ADAMTS3: variants seen among roughly 807,000 people sequenced by gnomAD.
ADAMTS3 encodes A disintegrin and metalloproteinase with thrombospondin motifs 3.
A neutral mutation model predicts 129.0 loss-of-function variants in ADAMTS3; 73 were observed. That is an observed-to-expected ratio of 0.57 (90% CI 0.47 to 0.69). The LOEUF is 0.69. Among genes scored for constraint, ADAMTS3 ranks in the 30% least tolerant of loss-of-function variants. The probability of loss-of-function intolerance (pLI) is 0.00; values close to 1 mark genes in which losing one functional copy is unlikely to be tolerated. For missense variants in ADAMTS3, 1,457 were observed against 1,514.5 expected (o/e 0.96, Z 0.63); for synonymous variants, 477 against 510.8 (o/e 0.93, Z 0.89).
chr4:72,402,749 T>C (rs1161492064), intron 4 of ADAMTS3, among the ~76,000 whole-genome samples: 1 of 152,158 alleles, frequency 6.6e-6, no homozygotes, highest in African/African-American at 2.4e-5. Flanking sequence ...AATCTGTTTT[T>C]ACAGAATATC....
intron 21 of ADAMTS3, among the ~76,000 whole-genome samples, chr4:72,287,673 T>C (rs1289330036): frequency 3.3e-5 from 5 of 151,820 alleles, no homozygotes; most frequent in Admixed American, 3.3e-4. Flanking sequence ...ATGAGCCACA[T>C]ACAGGCAGCA....
At chr4:72,528,521 T>TAAAAAAAAAAAAAAAAAAA (rs11324929) in intron 3 of ADAMTS3, among the ~76,000 whole-genome samples, 1 of 89,684 alleles carries the variant, frequency 1.1e-5, no homozygotes, top group African/African-American at 3.1e-5. Context: ...AAGTGAAAAC[T>TAAAAAAAAAAAAAAAAAAA]AAAAAAAAAA....
At chr4:72,408,699 T>TG (rs1196632274) in intron 4 of ADAMTS3, among the ~76,000 whole-genome samples, 2 of 87,730 alleles carry the variant, frequency 2.3e-5, no homozygotes, top group African/African-American at 3.5e-5. Context: ...TCATTGTACC[T>TG]GGAAAAAAAA....
At chr4:72,435,259 T>C (rs955399629) in intron 3 of ADAMTS3, among the ~76,000 whole-genome samples, 3 of 151,804 alleles carry the variant, frequency 2.0e-5, no homozygotes, top group Non-Finnish European at 4.4e-5. Context: ...TGTGCCTTTT[T>C]AGGCAACTCA....
chr4:72,517,007 C>G (rs1445402911), intron 3 of ADAMTS3, among the ~76,000 whole-genome samples: 1 of 152,112 alleles, frequency 6.6e-6, no homozygotes, highest in Non-Finnish European at 1.5e-5. Context: ...TGAGATACAT[C>G]CCATCAATAC....
intron 3 of ADAMTS3, among the ~76,000 whole-genome samples, chr4:72,438,093 C>T (rs543654916): frequency 9.2e-5 from 14 of 151,770 alleles, no homozygotes; most frequent in South Asian, 2.1e-4. Flanking sequence ...CCCATCTTTA[C>T]TCTGTGTGTG....
intron 4 of ADAMTS3, among the ~76,000 whole-genome samples, chr4:72,369,060 G>C (rs1203749189): frequency 6.6e-6 from 1 of 152,094 alleles, no homozygotes; most frequent in Non-Finnish European, 1.5e-5. Context: ...AACATAGTTG[G>C]TACAAAACAC....
intron 15 of ADAMTS3, among the ~76,000 whole-genome samples, chr4:72,307,020 T>C (rs540839698): frequency 9.9e-5 from 15 of 152,044 alleles, no homozygotes; most frequent in Admixed American, 7.9e-4. Flanking sequence ...GAATATAAAA[T>C]GATTATGTAA....
chr4:72,525,394 AC>A (rs1720780954), intron 3 of ADAMTS3, among the ~76,000 whole-genome samples: 1 of 152,206 alleles, frequency 6.6e-6, no homozygotes, highest in African/African-American at 2.4e-5. Flanking sequence ...AAATAAAATC[AC>A]CACTGACACA....
At chr4:72,390,347 T>C (rs2109892065) in intron 4 of ADAMTS3, among the ~76,000 whole-genome samples, 1 of 152,320 alleles carries the variant, frequency 6.6e-6, no homozygotes, top group East Asian at 1.9e-4. Context: ...GCACCAATGA[T>C]GCTATTCTAA....
In ADAMTS3 at chr4:72,339,616, G is replaced by C; in HGVS notation, c.739C>G (p.Arg247Gly). 1 of 1,613,898 alleles carries C rather than the reference G, an allele frequency of 6.2e-7. No individual in the cohort carries two copies. The highest frequency in any genetic ancestry group is 2.2e-5 in the East Asian group (1 of 44,864). ...TCGTTTTCTCCCGCGTGTCTGCGGCGTCTCATTGTTTCATTCAGCTGCTGG... is the reference window on the plus strand; with the variant it reads ...TCGTTTTCTCCCGCGTGTCTGCGGCCTCTCATTGTTTCATTCAGCTGCTGG... The part of the protein sequence containing the change: ...IHQQLNETMR[R>G]RRHAGENDYN... Residue 247 changes from arginine to glycine, a missense_variant, in exon 5 of 22, where the codon CGC (arginine) becomes GGC (glycine). Arg to Gly is a moderately radical substitution (Grantham distance 125). Coordinates refer to ENST00000286657, the MANE Select transcript of ADAMTS3 (RefSeq NM_014243.3).
At chr4:72,470,376 T>TAC (rs373903285) in intron 3 of ADAMTS3, among the ~76,000 whole-genome samples, 37 of 137,966 alleles carry the variant, frequency 2.7e-4, no homozygotes, top group African/African-American at 7.7e-4. Flanking sequence ...TATATATATA[T>TAC]ACACACACAC....
rs1718569449 is a variant in ADAMTS3, at chr4:72,455,988, C to CTG, written c.505-41018_505-41017insCA. ...ATATATTTTACATATAGTATATATACTATATATATTTTACATATAGTATAT... is the reference window on the plus strand; with the variant it reads ...ATATATTTTACATATAGTATATATACTGTATATATATTTTACATATAGTATAT... On this transcript the variant is annotated intron_variant, in intron 3 of 21. Transcript: ENST00000286657. Among the ~76,000 whole-genome samples, 4 of 13,532 alleles carry CTG rather than the reference C, an allele frequency of 3.0e-4. 2 individuals are homozygous for CTG. Among genetic ancestry groups the CTG allele is most frequent in the African/African-American group, 5.9e-4 (4 of 6,786 alleles). 8.9% of individuals were successfully genotyped at this position (13,532 alleles called of 152,430 possible). A position where few individuals can be genotyped will look rare whatever the true frequency, so the allele number is the denominator to read the frequency against.
intron 21 of ADAMTS3, among the ~76,000 whole-genome samples, chr4:72,284,106 C>T (rs1210080548): frequency 1.3e-5 from 2 of 151,890 alleles, no homozygotes; most frequent in Non-Finnish European, 2.9e-5. Context: ...GAGGGTACTC[C>T]CTACATTACG....
At chr4:72,491,875 T>C (rs1173775726) in intron 3 of ADAMTS3, among the ~76,000 whole-genome samples, 1 of 151,830 alleles carries the variant, frequency 6.6e-6, no homozygotes, top group Non-Finnish European at 1.5e-5. Flanking sequence ...AATTCACCTA[T>C]GAAGCCATCA....
chr4:72,301,701 T>G (rs1452125585), intron 17 of ADAMTS3, among the ~76,000 whole-genome samples: 3 of 151,970 alleles, frequency 2.0e-5, no homozygotes, highest in Non-Finnish European at 4.4e-5. Flanking sequence ...GGCAAAATAT[T>G]TGCAGAAACT....
chr4:72,332,319 T>C (rs1180838940), intron 5 of ADAMTS3, among the ~76,000 whole-genome samples: 2 of 152,200 alleles, frequency 1.3e-5, no homozygotes, highest in East Asian at 1.9e-4. Flanking sequence ...AATAAGTCCA[T>C]TAATACTTTT....
chr4:72,376,698 T>C (rs990558453), intron 4 of ADAMTS3, among the ~76,000 whole-genome samples: 2 of 152,176 alleles, frequency 1.3e-5, no homozygotes. Context: ...AGAACCTTTG[T>C]TCCAAGGGAA....
chr4:72,323,283 T>C, intron 5 of ADAMTS3, 186 bp from the exon 6 acceptor site: 1 of 570,686 alleles, frequency 1.8e-6, no homozygotes, highest in East Asian at 2.9e-5. Flanking sequence ...GATATGTAAA[T>C]TGCTAATTTT....
Sources: gnomAD v4.1 joint callset for allele counts (sites outside exome capture counted in the v4.1 genomes callset) on GRCh38, gnomAD v4.1.1 for gene constraint, MANE v1.5 for transcripts, NCBI Gene and HGNC (gene_info 2026-07-23, HGNC 2026-07-21) for gene names.